The following SMIM19 variants were observed in gnomAD, a reference collection of about 807,000 sequenced individuals.
SMIM19 encodes the protein small integral membrane protein 19.
A neutral mutation model predicts 13.2 loss-of-function variants in SMIM19; 6 were observed. The ratio of observed to expected loss-of-function variants is 0.45; its 90% CI spans 0.25 to 0.90. The LOEUF (loss-of-function observed/expected upper bound fraction) is 0.90. Among genes scored for constraint, SMIM19 ranks in the 40% least tolerant of loss-of-function variants. The pLI is 0.19. For missense variants in SMIM19, 138 were observed against 131.0 expected (o/e 1.05, Z -0.26); for synonymous variants, 46 against 43.1 (o/e 1.07, Z -0.27).
Position 42,546,546 on chromosome 8 carries a change from C to T in SMIM19, c.74C>T (p.Ala25Val), listed in dbSNP as rs1243216682. 6.2e-7 allele frequency: 1 copy of T among 1,614,198 alleles called. No homozygotes were observed. The highest frequency in any genetic ancestry group is 1.7e-5 in the Admixed American group (1 of 60,026). ...ACTGTTCACGAAGCCTGGAATGAAG[C>T]CACCAATGTTTACTTGATAGTTATC... Reference protein sequence around the residue: ...DYTVHEAWNEATNVYLIVILV... With the variant: ...DYTVHEAWNEVTNVYLIVILV... The change falls in exon 2 of 4, where the codon GCC becomes GTC. Residue 25 changes from alanine to valine, a missense_variant. Ala to Val is a moderately conservative substitution (Grantham distance 64). Coordinates refer to ENST00000417410, the MANE Select transcript of SMIM19 (RefSeq NM_001135674.2).
At chr8:42,543,161 G>A (rs1813333057) in intron 1 of SMIM19, among the ~76,000 whole-genome samples, 2 of 152,248 alleles carry the variant, frequency 1.3e-5, no homozygotes, top group South Asian at 2.1e-4. Context: ...GTGAAAAATG[G>A]TGTCTTGCTT....
Position 42,551,519 on chromosome 8 carries a change from A to G in SMIM19, c.260-1025A>G, listed in dbSNP as rs774566360. 4.6e-5 allele frequency among the ~76,000 whole-genome samples: 7 copies of G among 152,222 alleles called. No homozygotes were observed. The East Asian group carries it at 5.8e-4, about 13-fold the overall frequency. On this transcript the variant is annotated intron_variant, in intron 3 of 3. Transcript: ENST00000417410. ...ATTGAAGACATTTATTATATGTTTA[A>G]TCAACAATAAGCCTGTTAGGTTTTT...
In SMIM19 at chr8:42,542,137, C is replaced by T. The variant is rs1472720970; in HGVS notation, c.-241C>T. The T allele has an allele frequency of 1.3e-5, 2 of 152,246 alleles. No homozygotes were observed. The highest frequency in any genetic ancestry group is 2.4e-5 in the African/African-American group (1 of 41,428). 9.4% of individuals were successfully genotyped at this position (152,246 alleles called of 1,614,324 possible). ...GGAGCAGGTCTCGCAGGATCGGGGC[C>T]AAGACTGGAAGAGTTCAGGTTTGGG... is the stretch of plus-strand genomic sequence containing the variant. On this transcript the variant is annotated 5_prime_UTR_variant, in exon 1 of 4. Coordinates refer to ENST00000417410, the MANE Select transcript of SMIM19 (RefSeq NM_001135674.2).
chr8:42,545,792 A>G lies in SMIM19; in HGVS notation c.-4-677A>G, dbSNP rs139278583. Reference sequence around the variant, plus strand: ...GTGATCACCCACCTCGGCCTCCCAGAGTGCTGGGATTACAGGCCTGAGCCA... The same window carrying G: ...GTGATCACCCACCTCGGCCTCCCAGGGTGCTGGGATTACAGGCCTGAGCCA... On this transcript the variant is annotated intron_variant, in intron 1 of 3. Transcript: ENST00000417410. Among the ~76,000 whole-genome samples the G allele has an allele frequency of 6.8e-3, 1,039 of 152,294 alleles. 11 individuals are homozygous for G. Among genetic ancestry groups the G allele is most frequent in the African/African-American group, 0.024 (985 of 41,560 alleles).
intron 1 of SMIM19, among the ~76,000 whole-genome samples, chr8:42,543,542 A>T (rs1813358625): frequency 6.6e-6 from 1 of 152,208 alleles, no homozygotes. Context: ...TTACCGTTCT[A>T]TGTCAGCAGT....
intron 3 of SMIM19, among the ~76,000 whole-genome samples, chr8:42,549,512 G>T (rs542405023): frequency 1.3e-5 from 2 of 152,250 alleles, no homozygotes; most frequent in Non-Finnish European, 2.9e-5. Context: ...ACAAATATTG[G>T]ATTATTTCAC....
intron 3 of SMIM19, among the ~76,000 whole-genome samples, chr8:42,551,798 G>A (rs910272268): frequency 6.6e-6 from 1 of 151,910 alleles, no homozygotes; most frequent in East Asian, 1.9e-4. Flanking sequence ...AAAAAAATTA[G>A]CTGGGTGTGG....
At position 42,542,130 on chromosome 8, in the gene SMIM19, TC is replaced by T. The variant is rs1813253745; in HGVS notation, c.-247del. ...TCCGGAAGGAGCAGGTCTCGCAGGA[TC>T]GGGGCCAAGACTGGAAGAGTTCAGG... On this transcript the variant is annotated 5_prime_UTR_variant, in exon 1 of 4. In the 5' UTR this introduces an upstream ATG that the reference lacks. Transcript: ENST00000417410. The T allele has an allele frequency of 6.6e-6, 1 of 152,142 alleles. No homozygotes were observed. The highest frequency in any genetic ancestry group is 2.4e-5 in the African/African-American group (1 of 41,402). The allele number at this position is 152,142 out of a possible 1,614,324, so 9.4% of individuals were successfully genotyped here. A position where few individuals can be genotyped will look rare whatever the true frequency, so the allele number is the denominator to read the frequency against.
intron 2 of SMIM19, 27 bp from the exon 3 acceptor site, chr8:42,548,625 AACAT>A: frequency 6.2e-7 from 1 of 1,612,060 alleles, no homozygotes; most frequent in Non-Finnish European, 8.5e-7. Context: ...CATTAATACA[AACAT>A]CTCTTCTGCA....
In SMIM19 at chr8:42,552,967, T is replaced by C; in HGVS notation, c.*359T>C. 5.4e-6 allele frequency: 1 copy of C among 185,210 alleles called. No homozygotes were observed. The highest frequency in any genetic ancestry group is 1.1e-5 in the Non-Finnish European group (1 of 88,926). The allele number at this position is 185,210 out of a possible 1,614,324, so 11.5% of individuals were successfully genotyped here. ...ATTAAAAAATAAAAATGCAAGTTAT[T>C]ATTTCAATAATAACTTCCTGTTTCA... On this transcript the variant is annotated 3_prime_UTR_variant, in exon 4 of 4. Coordinates refer to ENST00000417410, the MANE Select transcript of SMIM19 (RefSeq NM_001135674.2).
Position 42,555,028 on chromosome 8 carries a change from T to G in SMIM19, c.*2420T>G, listed in dbSNP as rs1272795100. On this transcript the variant is annotated 3_prime_UTR_variant, in exon 4 of 4. Transcript: ENST00000417410. ...CTGTGTCTGGTTGAGTTATTCATGA[T>G]TCATCAGAAAATGACATGCAAGGTT... is the stretch of plus-strand genomic sequence containing the variant. The G allele has an allele frequency of 6.6e-6, 1 of 152,204 alleles. No homozygotes were observed. The highest frequency in any genetic ancestry group is 1.5e-5 in the Non-Finnish European group (1 of 68,038). 9.4% of individuals were successfully genotyped at this position (152,204 alleles called of 1,614,324 possible). A position where few individuals can be genotyped will look rare whatever the true frequency, so the allele number is the denominator to read the frequency against.
rs1215990258 is a variant in SMIM19, at chr8:42,553,141, G to C, written c.*533G>C. 4.0e-5 allele frequency: 6 copies of C among 150,470 alleles called. No homozygotes were observed. Among genetic ancestry groups the C allele is most frequent in the East Asian group, 2.0e-4 (1 of 5,118 alleles). The allele number at this position is 150,470 out of a possible 1,614,324, so 9.3% of individuals were successfully genotyped here. A position where few individuals can be genotyped will look rare whatever the true frequency, so the allele number is the denominator to read the frequency against. On this transcript the variant is annotated 3_prime_UTR_variant, in exon 4 of 4. Coordinates refer to ENST00000417410, the MANE Select transcript of SMIM19 (RefSeq NM_001135674.2). ...CTGCTCACTGCAACTTCCACCTCCCGGGTTTAAACGATTCTCCTGCCACAG... is the reference window on the plus strand; with the variant it reads ...CTGCTCACTGCAACTTCCACCTCCCCGGTTTAAACGATTCTCCTGCCACAG...
chr8:42,548,762 C>A lies in SMIM19; in HGVS notation c.241C>A (p.Leu81Met). 1 of 1,613,644 alleles carries A rather than the reference C, an allele frequency of 6.2e-7. No individual in the cohort carries two copies. The highest frequency in any genetic ancestry group is 8.5e-7 in the Non-Finnish European group (1 of 1,179,794). Residue 81 changes from leucine to methionine, a missense_variant, in exon 3 of 4, where the codon CTG becomes ATG. Leu to Met is a conservative substitution (Grantham distance 15, BLOSUM62 2). Coordinates refer to ENST00000417410, the MANE Select transcript of SMIM19 (RefSeq NM_001135674.2). The stretch of plus-strand genomic sequence containing the variant: ...AAGCAAGATTCGTTTAAGACAACAA[C>A]TGGAAATGTATTCCATTTGTAAGTA... ...TISKIRLRQQ[L>M]EMYSISRKYD...
chr8:42,551,066 C>A (rs528707471), intron 3 of SMIM19, among the ~76,000 whole-genome samples: 4 of 152,074 alleles, frequency 2.6e-5, no homozygotes, highest in Non-Finnish European at 4.4e-5. Context: ...CACCTGTAAT[C>A]CCAGCGCTTT....
intron 1 of SMIM19, among the ~76,000 whole-genome samples, chr8:42,542,803 C>T (rs1813302009): frequency 6.9e-6 from 1 of 144,988 alleles, no homozygotes; most frequent in Admixed American, 6.7e-5. Context: ...CCACCCCACC[C>T]CCGTCTTTAA....
In SMIM19 at chr8:42,555,002, G is replaced by A. The variant is rs547170583; in HGVS notation, c.*2394G>A. 2 of 152,316 alleles carry A rather than the reference G, an allele frequency of 1.3e-5. No individual in the cohort carries two copies. The highest frequency in any genetic ancestry group is 6.5e-5 in the Admixed American group (1 of 15,302). The allele number at this position is 152,316 out of a possible 1,614,324, so 9.4% of individuals were successfully genotyped here. A position where few individuals can be genotyped will look rare whatever the true frequency, so the allele number is the denominator to read the frequency against. On this transcript the variant is annotated 3_prime_UTR_variant, in exon 4 of 4. Coordinates refer to ENST00000417410, the MANE Select transcript of SMIM19 (RefSeq NM_001135674.2). ...CACAGATGTTTGCTGTTGACCTCACGCTGTGTCTGGTTGAGTTATTCATGA... is the reference window on the plus strand; with the variant it reads ...CACAGATGTTTGCTGTTGACCTCACACTGTGTCTGGTTGAGTTATTCATGA...
Position 42,555,112 on chromosome 8 carries a change from A to G in SMIM19, c.*2504A>G, listed in dbSNP as rs1411176638. ...TAAGTATGCATTAGAAGTAAGATAAAATAGTAATAAAAATAGTTTCAGATG... is the reference window on the plus strand; with the variant it reads ...TAAGTATGCATTAGAAGTAAGATAAGATAGTAATAAAAATAGTTTCAGATG... On this transcript the variant is annotated 3_prime_UTR_variant, in exon 4 of 4. Coordinates refer to ENST00000417410, the MANE Select transcript of SMIM19 (RefSeq NM_001135674.2). The G allele has an allele frequency of 1.3e-5, 2 of 152,234 alleles. No homozygotes were observed. The highest frequency in any genetic ancestry group is 2.9e-5 in the Non-Finnish European group (2 of 68,044). The allele number at this position is 152,234 out of a possible 1,614,324, so 9.4% of individuals were successfully genotyped here.
upstream of SMIM19, chr8:42,541,453 C>T (rs1813148300): frequency 6.9e-6 from 1 of 145,930 alleles, no homozygotes; most frequent in Non-Finnish European, 1.5e-5. Context: ...TCCACTCACG[C>T]GCCCGGGGGC....
intron 2 of SMIM19, among the ~76,000 whole-genome samples, chr8:42,547,189 G>A (rs906202800): frequency 3.3e-5 from 5 of 151,534 alleles, no homozygotes; most frequent in East Asian, 3.9e-4. Flanking sequence ...GGTGAACCCC[G>A]TCTCTACTAA....
Sources: gnomAD v4.1 joint callset for allele counts (sites outside exome capture counted in the v4.1 genomes callset) on GRCh38, gnomAD v4.1.1 for gene constraint, MANE v1.5 for transcripts, NCBI Gene and HGNC (gene_info 2026-07-23, HGNC 2026-07-21) for gene names.